Variants in WDR11 observed in about 807,000 individuals in gnomAD.
WDR11 encodes the protein WD repeat domain 11.
WDR11 carries 83 observed loss-of-function variants against 151.2 expected under a neutral mutation model. The observed-to-expected ratio is 0.55, with a 90% CI of 0.46 to 0.66. The LOEUF (loss-of-function observed/expected upper bound fraction) is 0.66, where lower values mean the gene tolerates loss of function less well. Among genes scored for constraint, WDR11 ranks in the 30% least tolerant of loss-of-function variants. The probability of loss-of-function intolerance (pLI) is 0.00; values close to 1 mark genes in which losing one functional copy is unlikely to be tolerated. For missense variants in WDR11, 1,301 were observed against 1,480.9 expected, an observed-to-expected ratio of 0.88 and a Z score of 1.99; for synonymous variants, 484 against 533.1, an observed-to-expected ratio of 0.91 and a Z score of 1.27.
At chr10:120,869,053 A>G (rs1472278231) in intron 9 of WDR11, among the ~76,000 whole-genome samples, 1 of 151,672 alleles carries the variant, frequency 6.6e-6, no homozygotes, top group African/African-American at 2.4e-5. Context: ...TATGGAGCCC[A>G]TAGGAGTTTG....
chr10:120,874,176 G>GT lies in WDR11; in HGVS notation c.1556+269dup, dbSNP rs66873217. 9.6e-3 allele frequency among the ~76,000 whole-genome samples: 801 copies of GT among 83,388 alleles called. 12 individuals carry two copies. Among genetic ancestry groups the GT allele is most frequent in the Non-Finnish European group, 0.012 (514 of 42,202 alleles). 54.7% of individuals were successfully genotyped at this position (83,388 alleles called of 152,430 possible). A position where few individuals can be genotyped will look rare whatever the true frequency, so the allele number is the denominator to read the frequency against. ...TGCAAAAGTAATTGCGGTTTTTGCA[G>GT]TTTTTTTTTTTTTTTTGTTGTTGTT... On this transcript the variant is annotated intron_variant, in intron 11 of 28. Coordinates refer to ENST00000263461, the MANE Select transcript of WDR11 (RefSeq NM_018117.12).
Position 120,858,767 on chromosome 10 carries a change from A to G in WDR11, c.323A>G (p.Glu108Gly). ...GTAGCAGCAGGAGTAGCTCAGTGTG[A>G]GATCCAAGAGCATGCCAAGCCTATC... The part of the protein sequence containing the change: ...WDVAAGVAQC[E>G]IQEHAKPIQD... Residue 108 changes from glutamate (E) to glycine (G), a missense_variant, in exon 3 of 29, where the codon GAG becomes GGG. Glu to Gly is a moderately conservative substitution (Grantham distance 98). Coordinates refer to ENST00000263461, the MANE Select transcript of WDR11 (RefSeq NM_018117.12). 1 of 1,614,180 alleles carries G rather than the reference A, an allele frequency of 6.2e-7. No individual in the cohort carries two copies. The highest frequency in any genetic ancestry group is 8.5e-7 in the Non-Finnish European group (1 of 1,180,020).
chr10:120,875,978 C>CTTTTTTTTTTTT (rs67775105), intron 11 of WDR11, among the ~76,000 whole-genome samples: 2 of 122,828 alleles, frequency 1.6e-5, no homozygotes, highest in African/African-American at 3.1e-5. Flanking sequence ...CCTTTTTTTT[C>CTTTTTTTTTTTT]TTTTTTTTTT....
chr10:120,907,589 G>C (rs968143805), intron 28 of WDR11: 75 of 137,244 alleles, frequency 5.5e-4, no homozygotes, highest in African/African-American at 2.2e-3. Context: ...CTCTTTCTCT[G>C]TGTGTGTTTA....
chr10:120,887,149 C>CAGAGCAGT (rs1215112826), intron 16 of WDR11, among the ~76,000 whole-genome samples: 3 of 152,106 alleles, frequency 2.0e-5, no homozygotes, highest in African/African-American at 7.2e-5. Context: ...ACTCATATGG[C>CAGAGCAGT]AGAGCAGTGT....
intron 22 of WDR11, 51 bp downstream of exon 22, chr10:120,902,373 C>T: frequency 6.6e-7 from 1 of 1,526,356 alleles, no homozygotes; most frequent in Non-Finnish European, 9.1e-7. Flanking sequence ...CAAGTTAACT[C>T]ATTTCTTTTA....
In WDR11 at chr10:120,904,136, G is replaced by A. The variant is rs750990010; in HGVS notation, c.3021G>A (p.Leu1007=). Residue 1007 remains leucine, a synonymous_variant, in exon 24 of 29, where the codon TTG becomes TTA. Coordinates refer to ENST00000263461, the MANE Select transcript of WDR11 (RefSeq NM_018117.12). The part of the protein sequence containing the change: ...TRKCTDQLLL[L]GQTDRAVQLL... Reference sequence around the variant, plus strand: ...AATGTACAGACCAGCTACTGCTCTTGGGTCAAGTATGTCAGTTTTTATAAC... The same window carrying A: ...AATGTACAGACCAGCTACTGCTCTTAGGTCAAGTATGTCAGTTTTTATAAC... The A allele has an allele frequency of 2.5e-5, 41 of 1,611,392 alleles. No homozygotes were observed. The East Asian group carries it at 8.9e-4, about 35-fold the overall frequency.
chr10:120,881,111 A>G (rs1250466057), intron 13 of WDR11, among the ~76,000 whole-genome samples: 2 of 152,206 alleles, frequency 1.3e-5, no homozygotes, highest in Non-Finnish European at 2.9e-5. Flanking sequence ...AGATGAAGTA[A>G]CTTTTGCATG....
chr10:120,863,852 G>C (rs539958015), intron 5 of WDR11, among the ~76,000 whole-genome samples: 2 of 152,128 alleles, frequency 1.3e-5, no homozygotes, highest in African/African-American at 4.8e-5. Context: ...CCATAGGCTG[G>C]TTAAGTTCAC....
At chr10:120,870,863 A>C (rs1846511990) in intron 9 of WDR11, among the ~76,000 whole-genome samples, 1 of 152,186 alleles carries the variant, frequency 6.6e-6, no homozygotes. Context: ...CTTTGTTCTG[A>C]AGCCTGTGTA....
Position 120,866,634 on chromosome 10 carries a change from A to G in WDR11, c.1060A>G (p.Lys354Glu), listed in dbSNP as rs765892068. Reference sequence around the variant, plus strand: ...CCAGTGTGATGCAATCAGGGTGACAAAAACCGTCCGTCCCTTCAGTATGGT... The same window carrying G: ...CCAGTGTGATGCAATCAGGGTGACAGAAACCGTCCGTCCCTTCAGTATGGT... ...RSQCDAIRVTKTVRPFSMVCC... is the reference protein window; with the variant it reads ...RSQCDAIRVTETVRPFSMVCC... The change falls in exon 8 of 29, where the codon AAA (lysine) becomes GAA (glutamate). Residue 354 changes from lysine to glutamate, a missense_variant. Lys to Glu is a moderately conservative substitution (Grantham distance 56). This residue lies in a region of WDR11 where 692 missense variants were observed against 762.5 expected (regional missense o/e 0.91). Coordinates refer to ENST00000263461, the MANE Select transcript of WDR11 (RefSeq NM_018117.12). The G allele has an allele frequency of 3.7e-6, 6 of 1,614,078 alleles. No homozygotes were observed. The highest frequency in any genetic ancestry group is 5.1e-6 in the Non-Finnish European group (6 of 1,180,046).
At chr10:120,904,604 G>A in intron 24 of WDR11, 42 bp from the exon 25 acceptor site, 1 of 1,611,926 alleles carries the variant, frequency 6.2e-7, no homozygotes. Context: ...TTATGTTGGA[G>A]GAAAATGTTC....
At chr10:120,883,280 T>C (rs2133779747) in intron 13 of WDR11, among the ~76,000 whole-genome samples, 2 of 152,314 alleles carry the variant, frequency 1.3e-5, no homozygotes, top group Middle Eastern at 3.4e-3. Context: ...GAGTAATCAG[T>C]GCTCAAATTA....
At chr10:120,881,877 T>C (rs57078496) in intron 13 of WDR11, among the ~76,000 whole-genome samples, 23,170 of 152,010 alleles carry the variant, frequency 0.15, 2,141 homozygotes, top group Middle Eastern at 0.21. Context: ...TCCTGTATAG[T>C]GTTGATTAGA....
intron 10 of WDR11, among the ~76,000 whole-genome samples, chr10:120,873,570 A>G (rs1220719487): frequency 6.6e-6 from 1 of 152,194 alleles, no homozygotes; most frequent in African/African-American, 2.4e-5. Flanking sequence ...TTGTATGTGT[A>G]TTAATGTAAG....
At chr10:120,872,753 A>C (rs1382053495) in intron 10 of WDR11, among the ~76,000 whole-genome samples, 1 of 152,112 alleles carries the variant, frequency 6.6e-6, no homozygotes, top group Non-Finnish European at 1.5e-5. Context: ...AATTTTAGTA[A>C]TTTAGTTATT....
chr10:120,852,978 G>A (rs574761484), intron 2 of WDR11, among the ~76,000 whole-genome samples: 2 of 152,340 alleles, frequency 1.3e-5, no homozygotes, highest in East Asian at 3.9e-4. Context: ...CAGCGTGATA[G>A]TGTGATAAGT....
Position 120,901,054 on chromosome 10 carries a change from A to G in WDR11, c.2643A>G (p.Glu881=). ...DISHVDYPEN[E]EIKNLLQEQL... ...TTTACAGTGACTATCCAGAAAATGA[A>G]GAAATAAAGAATCTCCTCCAAGAAC... Residue 881 remains glutamate (E), a synonymous_variant, in exon 21 of 29, where the codon GAA becomes GAG. Transcript: ENST00000263461. 2 of 1,612,838 alleles carry G rather than the reference A, an allele frequency of 1.2e-6. No homozygotes were observed. The highest frequency in any genetic ancestry group is 1.7e-6 in the Non-Finnish European group (2 of 1,178,952).
At chr10:120,906,202 G>A (rs757583785) in intron 27 of WDR11, 181 bp downstream of exon 27, 18 of 1,488,508 alleles carry the variant, frequency 1.2e-5, no homozygotes, top group Middle Eastern at 2.4e-4. Flanking sequence ...ATCTTCATTC[G>A]GTCTAGGAGC....
Sources: gnomAD v4.1 joint callset for allele counts (sites outside exome capture counted in the v4.1 genomes callset) on GRCh38, gnomAD v4.1.1 for gene constraint, gnomAD v4.1.1 regional missense constraint, MANE v1.5 for transcripts, NCBI Gene and HGNC (gene_info 2026-07-23, HGNC 2026-07-21) for gene names.